ERC2: variants seen among roughly 807,000 people sequenced by gnomAD.
ERC2 encodes the protein ELKS/RAB6-interacting/CAST family member 2.
Under a neutral mutation model 114.8 loss-of-function variants are expected in ERC2, and 42 were observed. That is an observed-to-expected ratio of 0.37 (90% confidence interval 0.29 to 0.47). The LOEUF is 0.47. Among genes scored for constraint, ERC2 ranks in the 20% least tolerant of loss-of-function variants. ERC2 has a pLI of 0.99. For synonymous variants in ERC2, 454 were observed against 425.5 expected, an observed-to-expected ratio of 1.07 and a Z score of -0.82; for missense variants, 939 against 1,150.7, an observed-to-expected ratio of 0.82 and a Z score of 2.66.
chr3:56,020,168 T>C (rs1177447345), intron 7 of ERC2, among the ~76,000 whole-genome samples: 1 of 152,158 alleles, frequency 6.6e-6, no homozygotes, highest in Non-Finnish European at 1.5e-5. Context: ...GCAAAGACAA[T>C]GGCTCTGCTG....
chr3:56,087,678 A>G (rs2077575304), intron 6 of ERC2, among the ~76,000 whole-genome samples: 1 of 152,214 alleles, frequency 6.6e-6, no homozygotes, highest in African/African-American at 2.4e-5. Context: ...ACAACGCTTC[A>G]AGAATTGAAT....
chr3:56,344,747 T>C (rs763633767), intron 2 of ERC2, among the ~76,000 whole-genome samples: 2 of 152,212 alleles, frequency 1.3e-5, no homozygotes, highest in Non-Finnish European at 2.9e-5. Context: ...TAATGGTGGA[T>C]CATTCACCGA....
intron 3 of ERC2, among the ~76,000 whole-genome samples, chr3:56,191,022 C>G (rs891122493): frequency 6.6e-6 from 1 of 152,072 alleles, no homozygotes; most frequent in Non-Finnish European, 1.5e-5. Context: ...TGACAGGGAG[C>G]CAGGAATAGT....
chr3:56,403,466 T>C (rs754864826), intron 2 of ERC2, among the ~76,000 whole-genome samples: 47 of 152,216 alleles, frequency 3.1e-4, no homozygotes, highest in Non-Finnish European at 5.6e-4. Context: ...CATGGGACAA[T>C]GCAGATATAG....
At chr3:55,979,532 C>A (rs913601933) in intron 12 of ERC2, among the ~76,000 whole-genome samples, 1 of 152,186 alleles carries the variant, frequency 6.6e-6, no homozygotes, top group Non-Finnish European at 1.5e-5. Flanking sequence ...GTGAGAATCA[C>A]ACACTTTACA....
chr3:55,946,504 C>G (rs2067136972), intron 13 of ERC2, among the ~76,000 whole-genome samples: 1 of 152,134 alleles, frequency 6.6e-6, no homozygotes, highest in South Asian at 2.1e-4. Context: ...ACTAAAAGCT[C>G]ATTATCAGTC....
intron 13 of ERC2, among the ~76,000 whole-genome samples, chr3:55,919,714 C>T (rs1276272966): frequency 6.6e-6 from 1 of 152,090 alleles, no homozygotes; most frequent in Admixed American, 6.6e-5. Flanking sequence ...AAGGAGATGA[C>T]CGACTTGCAA....
intron 17 of ERC2, among the ~76,000 whole-genome samples, chr3:55,522,913 GC>G (rs989391690): frequency 6.6e-6 from 1 of 152,222 alleles, no homozygotes; most frequent in Non-Finnish European, 1.5e-5. Flanking sequence ...TTTCTGTGCT[GC>G]TTTTGTCCCT....
At chr3:56,149,999 A>C (rs2149952982) in intron 4 of ERC2, among the ~76,000 whole-genome samples, 1 of 152,290 alleles carries the variant, frequency 6.6e-6, no homozygotes, top group East Asian at 1.9e-4. Flanking sequence ...ATTTTTCCAC[A>C]ACAGTAAGTA....
chr3:56,215,471 A>G (rs2049394942), intron 3 of ERC2, among the ~76,000 whole-genome samples: 1 of 152,248 alleles, frequency 6.6e-6, no homozygotes, highest in Non-Finnish European at 1.5e-5. Context: ...CACCCAATAC[A>G]GGAGCACCCA....
chr3:56,398,158 A>G (rs1467414081), intron 2 of ERC2, among the ~76,000 whole-genome samples: 1 of 152,254 alleles, frequency 6.6e-6, no homozygotes, highest in Non-Finnish European at 1.5e-5. Flanking sequence ...ACAGTCTCTC[A>G]TAAGTTACTT....
chr3:55,573,549 A>G (rs146243019), intron 17 of ERC2, among the ~76,000 whole-genome samples: 5 of 152,276 alleles, frequency 3.3e-5, no homozygotes, highest in Non-Finnish European at 7.4e-5. Context: ...GCCCTGATCA[A>G]GGAAAGGCTG....
rs1360969214 is a variant in ERC2 at position 56,014,475 on chromosome 3, G to C, written c.1780-3886C>G. ...AGCTAATAAAAATGTGTATTTTGAA[G>C]ATGAGGTACTGAGACGCTGAGAGAA... On this transcript the variant is annotated intron_variant, in intron 8 of 17. Transcript: ENST00000288221. Among the ~76,000 whole-genome samples the C allele has an allele frequency of 3.9e-5, 6 of 152,096 alleles. No individual in the cohort carries two copies. In the East Asian group the frequency reaches 1.2e-3, roughly 29 times the overall value.
intron 17 of ERC2, among the ~76,000 whole-genome samples, chr3:55,582,047 C>G (rs1015602895): frequency 6.6e-6 from 1 of 152,210 alleles, no homozygotes; most frequent in Non-Finnish European, 1.5e-5. Context: ...TCTGTACAAG[C>G]TGTTCCCCCT....
intron 3 of ERC2, among the ~76,000 whole-genome samples, chr3:56,265,609 C>T (rs528855029): frequency 1.3e-5 from 2 of 152,274 alleles, no homozygotes; most frequent in South Asian, 2.1e-4. Context: ...AGTGTAACTA[C>T]ATCAAACTAA....
chr3:55,962,043 T>C (rs1224911976), intron 12 of ERC2, among the ~76,000 whole-genome samples: 5 of 152,182 alleles, frequency 3.3e-5, no homozygotes, highest in African/African-American at 1.2e-4. Flanking sequence ...TAGTGAGTAC[T>C]GTTAGCTGGT....
intron 13 of ERC2, among the ~76,000 whole-genome samples, chr3:55,915,033 G>A (rs959770488): frequency 2.6e-5 from 4 of 152,072 alleles, no homozygotes; most frequent in South Asian, 4.2e-4. Context: ...TGCCGTCGTC[G>A]CATATTTCAT....
rs2055529088 is a variant in ERC2, at chr3:56,297,504, C to A, written c.658-1069G>T. On this transcript the variant is annotated intron_variant, in intron 2 of 17. Transcript: ENST00000288221. ...AGTTATCAGATGTGAGAAAAGGCACCCGTGCTTGAAGATAGTTGATGAATT... is the reference window on the plus strand; with the variant it reads ...AGTTATCAGATGTGAGAAAAGGCACACGTGCTTGAAGATAGTTGATGAATT... 2.0e-5 allele frequency among the ~76,000 whole-genome samples: 3 copies of A among 152,176 alleles called. No individual in the cohort carries two copies. The South Asian group carries it at 6.2e-4, about 32-fold the overall frequency.
chr3:56,072,810 C>T (rs2076801942), intron 7 of ERC2, among the ~76,000 whole-genome samples: 1 of 152,162 alleles, frequency 6.6e-6, no homozygotes. Flanking sequence ...TGAGTGTTAT[C>T]TGCTGGGTGG....
Sources: gnomAD v4.1 joint callset for allele counts (sites outside exome capture counted in the v4.1 genomes callset) on GRCh38, gnomAD v4.1.1 for gene constraint, MANE v1.5 for transcripts, NCBI Gene and HGNC (gene_info 2026-07-23, HGNC 2026-07-21) for gene names.